Variants in BLNK observed in about 807,000 individuals in gnomAD.
BLNK encodes B-cell linker protein.
A neutral mutation model predicts 73.5 loss-of-function variants in BLNK; 29 were observed. That is an observed-to-expected ratio of 0.39 (90% CI 0.29 to 0.54). The LOEUF is 0.54. Among genes scored for constraint, BLNK ranks in the 20% least tolerant of loss-of-function variants. The pLI is 0.61. For missense variants in BLNK, 460 were observed against 562.8 expected, an observed-to-expected ratio of 0.82 and a Z score of 1.85; for synonymous variants, 176 against 200.8, an observed-to-expected ratio of 0.88 and a Z score of 1.04.
chr10:96,266,795 A>C (rs1554914401), intron 1 of BLNK, among the ~76,000 whole-genome samples: 1 of 152,244 alleles, frequency 6.6e-6, no homozygotes, highest in East Asian at 1.9e-4. Context: ...AACCACAAAT[A>C]TGAAGAGCAA....
intron 5 of BLNK, among the ~76,000 whole-genome samples, chr10:96,226,402 AG>A (rs1842261214): frequency 6.6e-6 from 1 of 152,100 alleles, no homozygotes; most frequent in Non-Finnish European, 1.5e-5. Flanking sequence ...CACTGTAAGG[AG>A]GGGGTTAATG....
intron 5 of BLNK, among the ~76,000 whole-genome samples, chr10:96,225,894 T>G (rs1842238009): frequency 6.6e-6 from 1 of 152,136 alleles, no homozygotes; most frequent in Non-Finnish European, 1.5e-5. Flanking sequence ...ATCCATCCAC[T>G]GTGGCCTCCC....
chr10:96,231,421 C>T (rs4918992), intron 3 of BLNK, among the ~76,000 whole-genome samples: 109,534 of 152,082 alleles, frequency 0.72, 41,633 homozygotes, highest in Non-Finnish European at 0.84. Flanking sequence ...CTCTCAAAGA[C>T]GCTGTGAGGG....
chr10:96,226,958 A>T (rs1198463347), intron 5 of BLNK, among the ~76,000 whole-genome samples: 1 of 152,094 alleles, frequency 6.6e-6, no homozygotes, highest in Admixed American at 6.5e-5. Context: ...CATAGTCTGG[A>T]CTAGGCATGG....
intron 1 of BLNK, among the ~76,000 whole-genome samples, chr10:96,258,877 C>G (rs1193651394): frequency 6.6e-6 from 1 of 152,134 alleles, no homozygotes; most frequent in African/African-American, 2.4e-5. Context: ...AAACACATAA[C>G]AAAAAATTTA....
chr10:96,191,876 T>A lies in BLNK; in HGVS notation c.*97A>T, dbSNP rs2133907476. 2 of 1,515,128 alleles carry A rather than the reference T, an allele frequency of 1.3e-6. No homozygotes were observed. Among genetic ancestry groups the A allele is most frequent in the Non-Finnish European group, 1.8e-6 (2 of 1,095,280 alleles). 93.9% of individuals were successfully genotyped at this position (1,515,128 alleles called of 1,614,324 possible). A position where few individuals can be genotyped will look rare whatever the true frequency, so the allele number is the denominator to read the frequency against. On this transcript the variant is annotated 3_prime_UTR_variant, in exon 17 of 17. Coordinates refer to ENST00000224337, the MANE Select transcript of BLNK (RefSeq NM_013314.4). ...CATCTTCCATTTTATTACTGGATGATTCATAATCCAAAATATGAAGTTTTG... is the reference window on the plus strand; with the variant it reads ...CATCTTCCATTTTATTACTGGATGAATCATAATCCAAAATATGAAGTTTTG...
At chr10:96,238,460 C>T (rs782699420) in intron 3 of BLNK, among the ~76,000 whole-genome samples, 6 of 152,158 alleles carry the variant, frequency 3.9e-5, no homozygotes, top group East Asian at 3.9e-4. Flanking sequence ...CCACAGGGCA[C>T]GTGATTGGCC....
intron 1 of BLNK, among the ~76,000 whole-genome samples, chr10:96,270,801 C>A (rs994500779): frequency 3.3e-5 from 5 of 152,024 alleles, no homozygotes; most frequent in Non-Finnish European, 1.5e-5. Flanking sequence ...CTGGTTTATT[C>A]TTTTTGAGAG....
chr10:96,247,318 T>G (rs1418453379), intron 1 of BLNK, among the ~76,000 whole-genome samples: 2 of 152,228 alleles, frequency 1.3e-5, no homozygotes, highest in Non-Finnish European at 2.9e-5. Context: ...AGAAAGATAT[T>G]CTGATTCCTT....
chr10:96,238,488 C>T (rs1842775714), intron 3 of BLNK, among the ~76,000 whole-genome samples: 1 of 152,176 alleles, frequency 6.6e-6, no homozygotes, highest in Non-Finnish European at 1.5e-5. Context: ...CTCAGGAGGT[C>T]TGGTGGGCTC....
intron 1 of BLNK, among the ~76,000 whole-genome samples, chr10:96,252,300 C>G (rs1302997712): frequency 2.6e-5 from 4 of 152,128 alleles, no homozygotes; most frequent in African/African-American, 7.2e-5. Flanking sequence ...ATCTGCCTGC[C>G]CCGGGCTCCC....
At chr10:96,197,291 T>G (rs2083491502) in intron 15 of BLNK, among the ~76,000 whole-genome samples, 1 of 152,062 alleles carries the variant, frequency 6.6e-6, no homozygotes, top group South Asian at 2.1e-4. Flanking sequence ...TTGCCTTTTT[T>G]GAAAAAAAGG....
At chr10:96,242,163 AC>A (rs781839109) in intron 3 of BLNK, among the ~76,000 whole-genome samples, 1 of 152,052 alleles carries the variant, frequency 6.6e-6, no homozygotes, top group Non-Finnish European at 1.5e-5. Context: ...TTTCCCCCGT[AC>A]CGTTCTGGTG....
intron 1 of BLNK, among the ~76,000 whole-genome samples, chr10:96,259,880 C>G (rs1425815452): frequency 6.6e-6 from 1 of 151,800 alleles, no homozygotes; most frequent in African/African-American, 2.4e-5. Flanking sequence ...CTATCAGAGG[C>G]AGTTATGCAT....
In BLNK at chr10:96,207,021, A is replaced by C. The variant is rs374762276; in HGVS notation, c.807T>G (p.Ser269Arg). 43 of 1,613,938 alleles carry C rather than the reference A, an allele frequency of 2.7e-5. No homozygotes were observed. Among genetic ancestry groups the C allele is most frequent in the Admixed American group, 6.7e-5 (4 of 60,006 alleles). Reference protein sequence around the residue: ...TPVASQQNASSVCEEKPIPAE... With the variant: ...TPVASQQNASRVCEEKPIPAE... Reference sequence around the variant, plus strand: ...AATAATAGATTTTACCTTCACAAACACTTGAAGCATTCTGTTGAGAGGCAA... The same window carrying C: ...AATAATAGATTTTACCTTCACAAACCCTTGAAGCATTCTGTTGAGAGGCAA... The change falls in exon 11 of 17, where the codon AGT (serine) becomes AGG (arginine). Residue 269 changes from serine to arginine, a missense_variant. Around this residue, in one of 3 missense-constraint regions of BLNK, gnomAD observed 233 missense variants for 232.1 expected, o/e 1.00. Transcript: ENST00000224337.
At position 96,230,802 on chromosome 10, in the gene BLNK, C is replaced by G; in HGVS notation, c.196G>C (p.Asp66His). 1 of 1,610,342 alleles carries G rather than the reference C, an allele frequency of 6.2e-7. No individual in the cohort carries two copies. The highest frequency in any genetic ancestry group is 8.5e-7 in the Non-Finnish European group (1 of 1,178,546). ...CAGGAGCAAATACTTACAAAGTCATCGGACCACTGCTCCTCTTCGTCAGCA... is the reference window on the plus strand; with the variant it reads ...CAGGAGCAAATACTTACAAAGTCATGGGACCACTGCTCCTCTTCGTCAGCA... Reference protein sequence around the residue: ...SPADEEEQWSDDFDSDYENPD... With the variant: ...SPADEEEQWSHDFDSDYENPD... Residue 66 changes from aspartate to histidine, a missense_variant, in exon 4 of 17, where the codon GAT becomes CAT. By Grantham distance (81) the Asp-to-His change is moderately conservative (BLOSUM62 -1). Coordinates refer to ENST00000224337, the MANE Select transcript of BLNK (RefSeq NM_013314.4).
intron 1 of BLNK, among the ~76,000 whole-genome samples, chr10:96,261,033 C>T (rs1843735507): frequency 6.6e-6 from 1 of 151,934 alleles, no homozygotes; most frequent in Non-Finnish European, 1.5e-5. Context: ...TTTGTAGAGA[C>T]AGGGTTTCGC....
chr10:96,189,444 T>G lies in BLNK; in HGVS notation c.*2529A>C. 1.6e-6 allele frequency: 1 copy of G among 614,976 alleles called. No homozygotes were observed. Among genetic ancestry groups the G allele is most frequent in the Admixed American group, 1.9e-5 (1 of 53,844 alleles). 38.1% of individuals were successfully genotyped at this position (614,976 alleles called of 1,614,324 possible). On this transcript the variant is annotated 3_prime_UTR_variant, in exon 17 of 17. Transcript: ENST00000224337. ...GCAATTCTTCACATAATTGATGAACTTGGCTTCCACTTTGGGAAGAGAACC... is the reference window on the plus strand; with the variant it reads ...GCAATTCTTCACATAATTGATGAACGTGGCTTCCACTTTGGGAAGAGAACC...
intron 15 of BLNK, among the ~76,000 whole-genome samples, chr10:96,197,985 T>C (rs1183829815): frequency 6.6e-6 from 1 of 151,040 alleles, no homozygotes; most frequent in African/African-American, 2.4e-5. Flanking sequence ...CAAATTTTAT[T>C]AAATTTTTTA....
Sources: allele counts gnomAD v4.1 joint callset (sites outside exome capture counted in the v4.1 genomes callset), GRCh38; gene constraint gnomAD v4.1.1; regional missense constraint gnomAD v4.1.1; transcripts MANE v1.5; gene names NCBI Gene and HGNC (gene_info 2026-07-23, HGNC 2026-07-21).